Variants in ADAMTSL1 observed in about 807,000 individuals in gnomAD.
ADAMTSL1 encodes ADAMTS like 1.
ADAMTSL1 carries 126 observed loss-of-function variants against 201.8 expected under a neutral mutation model. The ratio of observed to expected loss-of-function variants is 0.62; its 90% confidence interval spans 0.54 to 0.72. ADAMTSL1 has a LOEUF of 0.72. ADAMTSL1 is among the 30% of genes least tolerant of loss of function. The probability of loss-of-function intolerance (pLI) is 0.00; values close to 1 mark genes in which losing one functional copy is unlikely to be tolerated. For missense variants in ADAMTSL1, 2,679 were observed against 2,277.8 expected, an observed-to-expected ratio of 1.18 and a Z score of -3.59; for synonymous variants, 1,121 against 903.4, an observed-to-expected ratio of 1.24 and a Z score of -4.32.
chr9:18,718,878 G>A (rs1833146179), intron 14 of ADAMTSL1, among the ~76,000 whole-genome samples: 1 of 152,142 alleles, frequency 6.6e-6, no homozygotes, highest in Non-Finnish European at 1.5e-5. Flanking sequence ...CTGAATAAAG[G>A]CAAAATATGT....
intron 11 of ADAMTSL1, 25 bp from the exon 12 acceptor site, chr9:18,681,787 C>A (rs1564146123): frequency 4.5e-6 from 7 of 1,571,334 alleles, no homozygotes; most frequent in Non-Finnish European, 8.6e-7. Context: ...CTACGAGTCT[C>A]CTCTCTCTTG....
intron 2 of ADAMTSL1, among the ~76,000 whole-genome samples, chr9:18,315,855 C>T (rs570908471): frequency 1.8e-4 from 28 of 152,300 alleles, no homozygotes; most frequent in African/African-American, 5.8e-4. Context: ...AGAGAGCGAG[C>T]GAGGGCTGCT....
At position 18,533,833 on chromosome 9, in the gene ADAMTSL1, A is replaced by C. The variant is rs146234960; in HGVS notation, c.237+541A>C. Among the ~76,000 whole-genome samples, 1,261 of 152,328 alleles carry C rather than the reference A, an allele frequency of 8.3e-3. 8 individuals are homozygous for C. Among genetic ancestry groups the C allele is most frequent in the Middle Eastern group, 0.034 (10 of 294 alleles). On this transcript the variant is annotated intron_variant, in intron 3 of 28. Coordinates refer to ENST00000380548, the MANE Select transcript of ADAMTSL1 (RefSeq NM_001040272.6). ...ACATTCTAGGAAAAAAATATCACAAATGCCATAGGAAATAAATAAAGTTCT... is the reference window on the plus strand; with the variant it reads ...ACATTCTAGGAAAAAAATATCACAACTGCCATAGGAAATAAATAAAGTTCT...
intron 14 of ADAMTSL1, among the ~76,000 whole-genome samples, chr9:18,708,366 T>G (rs1214139370): frequency 2.6e-5 from 4 of 152,228 alleles, no homozygotes; most frequent in Non-Finnish European, 5.9e-5. Flanking sequence ...TTTCAAACCC[T>G]GGAATTCTGA....
At chr9:18,482,729 C>T (rs1413847260) in intron 1 of ADAMTSL1, among the ~76,000 whole-genome samples, 2 of 152,140 alleles carry the variant, frequency 1.3e-5, no homozygotes, top group African/African-American at 2.4e-5. Context: ...CATTTGAAGT[C>T]TGTATGAGTA....
chr9:18,471,180 G>T (rs1888069), upstream of ADAMTSL1, among the ~76,000 whole-genome samples: 3 of 152,006 alleles, frequency 2.0e-5, no homozygotes, highest in Admixed American at 6.6e-5. Flanking sequence ...ATATACCCAT[G>T]GTAAACCCTG....
At chr9:18,699,458 G>A (rs1831795024) in intron 13 of ADAMTSL1, among the ~76,000 whole-genome samples, 1 of 151,500 alleles carries the variant, frequency 6.6e-6, no homozygotes, top group Admixed American at 6.6e-5. Context: ...CCTGGTCACT[G>A]GGACTACAGG....
intron 23 of ADAMTSL1, among the ~76,000 whole-genome samples, chr9:18,852,687 A>G (rs1243310580): frequency 2.6e-5 from 4 of 152,256 alleles, no homozygotes; most frequent in African/African-American, 4.8e-5. Context: ...TAATGAAAAG[A>G]GAATGAACTT....
intron 2 of ADAMTSL1, among the ~76,000 whole-genome samples, chr9:18,522,341 G>C (rs1183056582): frequency 1.3e-5 from 2 of 152,108 alleles, no homozygotes; most frequent in East Asian, 3.8e-4. Flanking sequence ...TGCAGAAAAT[G>C]AAAAGAAGCT....
At chr9:18,323,338 C>T (rs1330626001) in intron 2 of ADAMTSL1, among the ~76,000 whole-genome samples, 1 of 152,128 alleles carries the variant, frequency 6.6e-6, no homozygotes, top group Non-Finnish European at 1.5e-5. Context: ...GTACAACACC[C>T]ATTTGTGATT....
intron 2 of ADAMTSL1, among the ~76,000 whole-genome samples, chr9:18,207,116 G>C (rs1829682398): frequency 6.6e-6 from 1 of 151,902 alleles, no homozygotes; most frequent in South Asian, 2.1e-4. Context: ...AGTGAGCTGA[G>C]ATCCCACCAT....
In ADAMTSL1 at chr9:18,769,302, G is replaced by A. The variant is rs536954747; in HGVS notation, c.2218-1300G>A. Among the ~76,000 whole-genome samples, 54 of 152,172 alleles carry A rather than the reference G, an allele frequency of 3.5e-4. 1 individual carries two copies. Among genetic ancestry groups the A allele is most frequent in the Admixed American group, 6.5e-5 (1 of 15,286 alleles). On this transcript the variant is annotated intron_variant, in intron 16 of 28. Coordinates refer to ENST00000380548, the MANE Select transcript of ADAMTSL1 (RefSeq NM_001040272.6). ...CAGGTACTTCAGCACAAACTCTCAC[G>A]CTTTTTAAAACCAGGCTTGATCTCT...
At position 18,908,755 on chromosome 9, in the gene ADAMTSL1, G is replaced by C. The variant is rs1203964460; in HGVS notation, c.*207G>C. ...AGTTAGCTGGAGGACAGGATGTTGG[G>C]AAAGGAAAGGACAGATGTCTAAAGG... On this transcript the variant is annotated 3_prime_UTR_variant, in exon 29 of 29. Coordinates refer to ENST00000380548, the MANE Select transcript of ADAMTSL1 (RefSeq NM_001040272.6). 3.8e-6 allele frequency: 2 copies of C among 520,300 alleles called. No homozygotes were observed. The highest frequency in any genetic ancestry group is 3.5e-5 in the East Asian group (1 of 28,658). The allele number at this position is 520,300 out of a possible 1,614,324, so 32.2% of individuals were successfully genotyped here.
intron 1 of ADAMTSL1, among the ~76,000 whole-genome samples, chr9:18,122,505 T>C (rs767673164): frequency 2.6e-5 from 4 of 152,304 alleles, no homozygotes; most frequent in South Asian, 2.1e-4. Flanking sequence ...TGGTGAAATT[T>C]TTTAGCTGTT....
At chr9:18,770,118 C>T (rs1397804097) in intron 16 of ADAMTSL1, among the ~76,000 whole-genome samples, 1 of 152,160 alleles carries the variant, frequency 6.6e-6, no homozygotes, top group African/African-American at 2.4e-5. Context: ...GACCCTAAAT[C>T]TAATGCCCAT....
chr9:18,468,539 T>C (rs1821092353), intron 2 of ADAMTSL1, among the ~76,000 whole-genome samples: 1 of 152,150 alleles, frequency 6.6e-6, no homozygotes, highest in Admixed American at 6.5e-5. Flanking sequence ...CTCACTCTAC[T>C]GCCCACAACT....
At chr9:18,039,197 C>T (rs1821333339) in intron 1 of ADAMTSL1, among the ~76,000 whole-genome samples, 2 of 152,014 alleles carry the variant, frequency 1.3e-5, no homozygotes, top group African/African-American at 4.8e-5. Flanking sequence ...TTATCTTGTG[C>T]CATTAAAAGA....
chr9:18,004,843 T>A (rs573562556), intron 1 of ADAMTSL1, among the ~76,000 whole-genome samples: 1 of 152,144 alleles, frequency 6.6e-6, no homozygotes, highest in African/African-American at 2.4e-5. Context: ...GGAGGAAAAT[T>A]GAATCAAAAT....
chr9:18,244,755 C>T lies in ADAMTSL1; in HGVS notation c.207+80774C>T, dbSNP rs567133863. ...GATGCTGTGCACAAACTAGGTCACC[C>T]AAGTGTCTTGTCTGCTTACTCCTAA... On this transcript the variant is annotated intron_variant, in intron 2 of 29. Transcript: ENST00000680146. Among the ~76,000 whole-genome samples, 5 of 152,198 alleles carry T rather than the reference C, an allele frequency of 3.3e-5. No homozygotes were observed. The East Asian group carries it at 9.7e-4, about 29-fold the overall frequency.
Sources: gnomAD v4.1 joint callset for allele counts (sites outside exome capture counted in the v4.1 genomes callset) on GRCh38, gnomAD v4.1.1 for gene constraint, MANE v1.5 for transcripts, NCBI Gene and HGNC (gene_info 2026-07-23, HGNC 2026-07-21) for gene names.